ADGB: variants seen among roughly 807,000 people sequenced by gnomAD.
ADGB encodes the protein androglobin.
Under a neutral mutation model 210.5 loss-of-function variants are expected in ADGB, and 172 were observed. The ratio of observed to expected loss-of-function variants is 0.82; its 90% CI spans 0.72 to 0.93. The LOEUF is 0.93. Ranked by LOEUF, ADGB falls within the 40% of genes least tolerant of loss-of-function variation. The pLI, the probability that ADGB is intolerant of heterozygous loss-of-function variation, is 0.00. For synonymous variants in ADGB, 658 were observed against 662.7 expected (o/e 0.99, Z 0.11); for missense variants, 2,025 against 1,964.8 (o/e 1.03, Z -0.58).
chr6:146,806,841 C>G (rs927812858), intron 35 of ADGB, among the ~76,000 whole-genome samples: 1 of 152,096 alleles, frequency 6.6e-6, no homozygotes, highest in Non-Finnish European at 1.5e-5. Flanking sequence ...TCAGTTGATC[C>G]AGGAGGAGAG....
intron 2 of ADGB, 102 bp from the exon 3 acceptor site, chr6:146,644,671 T>C: frequency 3.0e-6 from 2 of 657,924 alleles, no homozygotes; most frequent in Non-Finnish European, 2.4e-6. Context: ...TGTAAAGGCT[T>C]ATTGATTGAC....
At chr6:146,735,919 A>T (rs999275795) in intron 22 of ADGB, among the ~76,000 whole-genome samples, 1 of 152,222 alleles carries the variant, frequency 6.6e-6, no homozygotes, top group Non-Finnish European at 1.5e-5. Flanking sequence ...GAGTAAGCAT[A>T]TAATAGACAA....
chr6:146,720,093 C>T lies in ADGB; in HGVS notation c.1993-1310C>T, dbSNP rs56113859. On this transcript the variant is annotated intron_variant, in intron 16 of 35. Transcript: ENST00000397944. ...TATTGTGGTAGAATAATGTGAAAAA[C>T]TTTTAAAGTATAGTATAATTCAATT... 3.3e-5 allele frequency among the ~76,000 whole-genome samples: 5 copies of T among 151,768 alleles called. No individual in the cohort carries two copies. In the South Asian group the frequency reaches 1.0e-3, roughly 31 times the overall value.
intron 16 of ADGB, 79 bp downstream of exon 16, chr6:146,717,678 C>A: frequency 2.9e-6 from 2 of 685,578 alleles, no homozygotes; most frequent in Non-Finnish European, 4.6e-6. Flanking sequence ...TCAAATTTCT[C>A]AAAACATTTC....
intron 30 of ADGB, among the ~76,000 whole-genome samples, chr6:146,784,318 T>C (rs1777841906): frequency 6.6e-6 from 1 of 152,168 alleles, no homozygotes; most frequent in East Asian, 1.9e-4. Context: ...TATCAAAGTA[T>C]AATATCTGTC....
chr6:146,676,112 T>C (rs1277762370), intron 8 of ADGB, among the ~76,000 whole-genome samples: 2 of 152,180 alleles, frequency 1.3e-5, no homozygotes, highest in African/African-American at 4.8e-5. Flanking sequence ...TTTCATAATA[T>C]ATCTCAATTT....
chr6:146,674,871 AT>A (rs1220409986), intron 8 of ADGB, among the ~76,000 whole-genome samples: 2 of 152,038 alleles, frequency 1.3e-5, no homozygotes, highest in Non-Finnish European at 2.9e-5. Flanking sequence ...AAACAGTTTG[AT>A]TTTTTTCTAT....
chr6:146,762,109 A>T (rs1460672411), intron 27 of ADGB, among the ~76,000 whole-genome samples: 1 of 151,704 alleles, frequency 6.6e-6, no homozygotes, highest in Non-Finnish European at 1.5e-5. Flanking sequence ...AAACACCCTT[A>T]TGTCAAATAA....
At chr6:146,698,038 A>C (rs560250555) in intron 12 of ADGB, among the ~76,000 whole-genome samples, 2 of 152,310 alleles carry the variant, frequency 1.3e-5, no homozygotes, top group South Asian at 4.1e-4. Context: ...GAACAATTTT[A>C]AAAAGCAATA....
intron 5 of ADGB, among the ~76,000 whole-genome samples, chr6:146,663,813 A>G (rs115087627): frequency 2.4e-3 from 361 of 152,188 alleles, no homozygotes; most frequent in Middle Eastern, 6.8e-3. Context: ...CTAAAGTTAT[A>G]TTTGGAGAAT....
chr6:146,733,538 G>C (rs962767351), intron 21 of ADGB, among the ~76,000 whole-genome samples: 1 of 152,080 alleles, frequency 6.6e-6, no homozygotes, highest in South Asian at 2.1e-4. Context: ...TATATGGTTT[G>C]ATTTGAAGAA....
intron 32 of ADGB, among the ~76,000 whole-genome samples, chr6:146,786,937 C>A (rs190725471): frequency 2.0e-5 from 3 of 151,998 alleles, no homozygotes; most frequent in Non-Finnish European, 4.4e-5. Context: ...TGAATTCAAC[C>A]GTAGATACAA....
intron 17 of ADGB, 147 bp from the exon 18 acceptor site, chr6:146,724,039 T>G: frequency 1.5e-6 from 1 of 658,782 alleles, no homozygotes; most frequent in Non-Finnish European, 2.4e-6. Flanking sequence ...CCTGGAGTAA[T>G]TTCTAATGTT....
intron 1 of ADGB, among the ~76,000 whole-genome samples, chr6:146,621,961 T>G (rs1780901231): frequency 6.6e-6 from 1 of 152,168 alleles, no homozygotes; most frequent in South Asian, 2.1e-4. Context: ...TTTAAGAAAC[T>G]ATTGGACCAT....
chr6:146,779,863 T>A (rs1169685353), intron 29 of ADGB, among the ~76,000 whole-genome samples: 18 of 146,472 alleles, frequency 1.2e-4, no homozygotes, highest in South Asian at 2.2e-4. Context: ...CTTCCAGCTA[T>A]AAAAAAAAAA....
chr6:146,764,455 T>C (rs1299546177), intron 28 of ADGB, among the ~76,000 whole-genome samples: 1 of 152,110 alleles, frequency 6.6e-6, no homozygotes, highest in Non-Finnish European at 1.5e-5. Flanking sequence ...TTAATAAAAC[T>C]TAATTTGTAT....
intron 3 of ADGB, among the ~76,000 whole-genome samples, chr6:146,650,803 A>G (rs940308866): frequency 1.3e-5 from 2 of 152,092 alleles, no homozygotes; most frequent in Admixed American, 1.3e-4. Flanking sequence ...ACGCCAACGG[A>G]TCTGACGCAG....
At position 146,691,234 on chromosome 6, in the gene ADGB, C is replaced by A; in HGVS notation, c.1430C>A (p.Pro477His). ...GCACCACCAAAACCACCTCCTCTACCTCCCTGGAAACTCATTCGTCAAAAA... is the reference window on the plus strand; with the variant it reads ...GCACCACCAAAACCACCTCCTCTACATCCCTGGAAACTCATTCGTCAAAAA... ...LVAPPKPPPL[P>H]PWKLIRQKKE... Residue 477 changes from proline (P) to histidine (H), a missense_variant, in exon 11 of 36, where the codon CCT (proline) becomes CAT (histidine). Coordinates refer to ENST00000397944, the MANE Select transcript of ADGB (RefSeq NM_024694.4). 1 of 1,548,612 alleles carries A rather than the reference C, an allele frequency of 6.5e-7. No homozygotes were observed. Among genetic ancestry groups the A allele is most frequent in the Non-Finnish European group, 8.7e-7 (1 of 1,146,282 alleles).
At chr6:146,733,353 G>C in intron 21 of ADGB, 98 bp downstream of exon 21, 1 of 1,232,836 alleles carries the variant, frequency 8.1e-7, no homozygotes, top group Non-Finnish European at 1.1e-6. Flanking sequence ...GAATAAGTCT[G>C]TGTGGACTGT....
Sources: allele counts gnomAD v4.1 joint callset (sites outside exome capture counted in the v4.1 genomes callset), GRCh38; gene constraint gnomAD v4.1.1; transcripts MANE v1.5; gene names NCBI Gene and HGNC (gene_info 2026-07-23, HGNC 2026-07-21).